The following CPXM2 variants were observed in gnomAD, a reference collection of about 807,000 sequenced individuals.
The protein encoded by CPXM2 is carboxypeptidase X, M14 family member 2, also known as inactive carboxypeptidase-like protein X2.
CPXM2 carries 66 observed loss-of-function variants against 86.1 expected under a neutral mutation model. The ratio of observed to expected loss-of-function variants is 0.77; its 90% CI spans 0.63 to 0.94. The LOEUF (loss-of-function observed/expected upper bound fraction) is 0.94. Ranked by LOEUF, CPXM2 falls within the 40% of genes least tolerant of loss-of-function variation. The probability of loss-of-function intolerance (pLI) is 0.00; values close to 1 mark genes in which losing one functional copy is unlikely to be tolerated. For missense variants in CPXM2, 948 were observed against 1,026.3 expected (o/e 0.92, Z 1.04); for synonymous variants, 388 against 400.2 (o/e 0.97, Z 0.36).
chr10:123,824,157 G>A (rs1318018846), intron 4 of CPXM2, among the ~76,000 whole-genome samples: 2 of 152,198 alleles, frequency 1.3e-5, no homozygotes, highest in East Asian at 3.9e-4. Flanking sequence ...TGTTTCTCTG[G>A]AGAGAAAGTC....
At chr10:123,846,463 G>C (rs1322564563) in intron 3 of CPXM2, among the ~76,000 whole-genome samples, 1 of 152,200 alleles carries the variant, frequency 6.6e-6, no homozygotes, top group Non-Finnish European at 1.5e-5. Flanking sequence ...TTGAGCAATG[G>C]GGAGTGGCTG....
chr10:123,876,284 A>C (rs1944986667), intron 2 of CPXM2, among the ~76,000 whole-genome samples: 1 of 152,190 alleles, frequency 6.6e-6, no homozygotes, highest in Admixed American at 6.5e-5. Flanking sequence ...GTACTCAACA[A>C]ACAGGTTCAC....
At position 123,912,668 on chromosome 10, in the gene CPXM2, C is replaced by G. The variant is rs187755282; in HGVS notation, n.174+26809G>C. Among the ~76,000 whole-genome samples, 39 of 152,302 alleles carry G rather than the reference C, an allele frequency of 2.6e-4. No homozygotes were observed. The East Asian group carries it at 6.9e-3, about 27-fold the overall frequency. ...AGTGTGAACTGAAACACGCCCAGCC[C>G]TCTCCACTCCGGCTGGAGGAAGGCT... On this transcript the variant is annotated intron_variant and non_coding_transcript_variant, in intron 2 of 19. Coordinates refer to the CPXM2 transcript ENST00000368854.
At chr10:123,837,344 TCA>T in intron 4 of CPXM2, among the ~76,000 whole-genome samples, 1 of 152,138 alleles carries the variant, frequency 6.6e-6, no homozygotes, top group East Asian at 1.9e-4. Context: ...AGCCCTCACC[TCA>T]CAAACTCATT....
intron 1 of CPXM2, among the ~76,000 whole-genome samples, chr10:123,889,645 C>T (rs1225229928): frequency 6.6e-6 from 1 of 152,222 alleles, no homozygotes; most frequent in Non-Finnish European, 1.5e-5. Flanking sequence ...AAGGTTTTTA[C>T]AGCAATTGAC....
At chr10:123,942,872 G>A (rs1158537279), upstream of CPXM2, among the ~76,000 whole-genome samples, 1 of 152,176 alleles carries the variant, frequency 6.6e-6, no homozygotes, top group South Asian at 2.1e-4. Flanking sequence ...CCACATATAT[G>A]ATGATGGTCC....
Position 123,766,973 on chromosome 10 carries a change from C to T in CPXM2, c.1479G>A (p.Thr493=), listed in dbSNP as rs376740458. 6.2e-6 allele frequency: 10 copies of T among 1,612,706 alleles called. No homozygotes were observed. The highest frequency in any genetic ancestry group is 4.5e-5 in the East Asian group (2 of 44,862). ...IPEWFLSENA[T]VAAETRAVIA... ...ACAGATGACGGGTATTTTGACTCAC[C>T]GTGGCATTTTCCGACAGAAACCACT... Residue 493 remains threonine, a splice_region_variant and synonymous_variant, in exon 10 of 14, where the codon ACG becomes ACA. Transcript: ENST00000241305.
chr10:123,774,170 C>T (rs1487679153), intron 7 of CPXM2, among the ~76,000 whole-genome samples: 1 of 152,180 alleles, frequency 6.6e-6, no homozygotes. Flanking sequence ...GCTGCAGAAA[C>T]ACACAGGAAG....
chr10:123,864,732 A>G (rs1444136476), intron 2 of CPXM2, among the ~76,000 whole-genome samples: 1 of 152,244 alleles, frequency 6.6e-6, no homozygotes, highest in Admixed American at 6.5e-5. Context: ...GTACCAGCTC[A>G]ATAAAGCAAC....
Position 123,757,344 on chromosome 10 carries a change from C to A in CPXM2, c.1786G>T (p.Asp596Tyr). The A allele has an allele frequency of 6.2e-7, 1 of 1,613,284 alleles. No homozygotes were observed. Among genetic ancestry groups the A allele is most frequent in the South Asian group, 1.1e-5 (1 of 91,038 alleles). Residue 596 changes from aspartate (D) to tyrosine (Y), a missense_variant, in exon 12 of 14, where the codon GAT (aspartate) becomes TAT (tyrosine). By Grantham distance (160) the Asp-to-Tyr change is radical (BLOSUM62 -3). Transcript: ENST00000241305. ...CAGTTTGTATGAAGGTAGCTGAAAT[C>A]GTTCAGACCTGCCAAGCCAACCGGA... ...SWHTVAGSLN[D>Y]FSYLHTNCFE...
At chr10:123,795,146 T>C (rs1298550403) in intron 6 of CPXM2, among the ~76,000 whole-genome samples, 1 of 152,172 alleles carries the variant, frequency 6.6e-6, no homozygotes, top group Non-Finnish European at 1.5e-5. Context: ...TATAGTGCAG[T>C]AGTGATGAGT....
chr10:123,919,665 G>C (rs1245424723), intron 2 of CPXM2, among the ~76,000 whole-genome samples: 2 of 152,216 alleles, frequency 1.3e-5, no homozygotes, highest in African/African-American at 4.8e-5. Flanking sequence ...AATGACAAAA[G>C]AGAGTCAGTT....
At position 123,779,779 on chromosome 10, in the gene CPXM2, T is replaced by C. The variant is rs537505690; in HGVS notation, c.978+388A>G. ...TAGGAGGACTGAACGTGATCATGTA[T>C]GTAAGTTGATCCTATGTGAATATTT... On this transcript the variant is annotated intron_variant, in intron 7 of 13. Transcript: ENST00000241305. 3.9e-5 allele frequency among the ~76,000 whole-genome samples: 6 copies of C among 152,324 alleles called. No homozygotes were observed. The South Asian group carries it at 1.2e-3, about 32-fold the overall frequency.
intron 6 of CPXM2, among the ~76,000 whole-genome samples, chr10:123,784,482 G>A (rs1847005802): frequency 6.6e-6 from 1 of 152,142 alleles, no homozygotes; most frequent in Admixed American, 6.5e-5. Flanking sequence ...GTCCTCCTGT[G>A]GTTTTCTTTT....
upstream of CPXM2, among the ~76,000 whole-genome samples, chr10:123,895,192 C>T (rs1175649121): frequency 1.5e-5 from 2 of 133,818 alleles, no homozygotes; most frequent in African/African-American, 2.9e-5. Context: ...GGCACCATGT[C>T]GGCTCACGGC....
chr10:123,757,422 G>A (rs983364731), intron 11 of CPXM2, 70 bp from the exon 12 acceptor site: 17 of 1,316,830 alleles, frequency 1.3e-5, no homozygotes, highest in Admixed American at 3.5e-5. Flanking sequence ...GCGGCACAGC[G>A]GGCAGCAAGG....
upstream of CPXM2, among the ~76,000 whole-genome samples, chr10:123,943,888 TGTAGTGG>T (rs373012197): frequency 5.2e-3 from 792 of 152,220 alleles, 8 homozygotes; most frequent in South Asian, 0.025. Flanking sequence ...GGGGGATCTG[TGTAGTGG>T]GTAGCTCTGA....
intron 13 of CPXM2, chr10:123,751,911 C>T: frequency 1.0e-6 from 1 of 985,404 alleles, no homozygotes; most frequent in Non-Finnish European, 1.2e-6. Context: ...CTCATCAAAA[C>T]TGTCTCATTG....
At chr10:123,840,255 T>C (rs1033494933) in intron 4 of CPXM2, among the ~76,000 whole-genome samples, 2 of 152,288 alleles carry the variant, frequency 1.3e-5, no homozygotes, top group South Asian at 4.1e-4. Context: ...GGGAAAACAA[T>C]TGTCGTGGTA....
Sources: allele counts gnomAD v4.1 joint callset (sites outside exome capture counted in the v4.1 genomes callset), GRCh38; gene constraint gnomAD v4.1.1; transcripts MANE v1.5; gene names NCBI Gene and HGNC (gene_info 2026-07-23, HGNC 2026-07-21).